ADGRB3: variants seen among roughly 807,000 people sequenced by gnomAD.
ADGRB3 encodes adhesion G protein-coupled receptor B3.
In ADGRB3, 37 loss-of-function variants were observed where a neutral mutation model predicts 193.4. That is an observed-to-expected ratio of 0.19 (90% CI 0.15 to 0.25). ADGRB3 has a LOEUF of 0.25. Among genes scored for constraint, ADGRB3 ranks in the 10% least tolerant of loss-of-function variants. The pLI is 1.00. For synonymous variants in ADGRB3, 690 were observed against 644.2 expected, an observed-to-expected ratio of 1.07 and a Z score of -1.08; for missense variants, 1,637 against 1,852.9, an observed-to-expected ratio of 0.88 and a Z score of 2.14.
In ADGRB3 at chr6:68,635,323, C is replaced by T. The variant is rs543804454; in HGVS notation, c.-865C>T. 6.6e-6 allele frequency: 1 copy of T among 151,854 alleles called. No individual in the cohort carries two copies. The highest frequency in any genetic ancestry group is 2.4e-5 in the African/African-American group (1 of 41,474). The allele number at this position is 151,854 out of a possible 1,614,324, so 9.4% of individuals were successfully genotyped here. A position where few individuals can be genotyped will look rare whatever the true frequency, so the allele number is the denominator to read the frequency against. Reference sequence around the variant, plus strand: ...CACACCCGAGACAGAGCTTTACTATCTCGCTCCCTCTCGCGCCTCCCTCCT... The same window carrying T: ...CACACCCGAGACAGAGCTTTACTATTTCGCTCCCTCTCGCGCCTCCCTCCT... On this transcript the variant is annotated 5_prime_UTR_variant, in exon 1 of 32. Transcript: ENST00000370598.
intron 13 of ADGRB3, among the ~76,000 whole-genome samples, chr6:69,019,309 G>T (rs1480203248): frequency 6.6e-6 from 1 of 151,960 alleles, no homozygotes; most frequent in Non-Finnish European, 1.5e-5. Context: ...ACCATAGATA[G>T]AAATGTGTTT....
chr6:68,801,502 A>G (rs928069355), intron 3 of ADGRB3, among the ~76,000 whole-genome samples: 1 of 152,024 alleles, frequency 6.6e-6, no homozygotes, highest in African/African-American at 2.4e-5. Flanking sequence ...AGCCTGGTCA[A>G]CATAGCGAAA....
Position 69,366,547 on chromosome 6 carries a change from T to C in ADGRB3, c.4239+5035T>C, listed in dbSNP as rs140478991. The stretch of plus-strand genomic sequence containing the variant: ...TGGAGAAATGCCTCTATGCATACAT[T>C]CACTAAGTATTCCTTTGAGTAGCTT... On this transcript the variant is annotated intron_variant, in intron 29 of 31. Transcript: ENST00000370598. 2.8e-3 allele frequency among the ~76,000 whole-genome samples: 432 copies of C among 152,246 alleles called. 2 individuals are homozygous for C. The highest frequency in any genetic ancestry group is 9.8e-3 in the African/African-American group (406 of 41,562).
intron 3 of ADGRB3, among the ~76,000 whole-genome samples, chr6:68,900,983 T>G (rs1042544827): frequency 6.6e-6 from 1 of 152,178 alleles, no homozygotes; most frequent in Non-Finnish European, 1.5e-5. Context: ...AAATAAAACA[T>G]GCTAATAGTT....
At chr6:69,016,734 A>G (rs1770102708) in intron 12 of ADGRB3, among the ~76,000 whole-genome samples, 1 of 151,918 alleles carries the variant, frequency 6.6e-6, no homozygotes, top group Non-Finnish European at 1.5e-5. Context: ...TTTAGCTTTT[A>G]AATAAATTGA....
rs1272493383 is a variant in ADGRB3 at position 69,054,909 on chromosome 6, T to C, written c.2333+5563T>C. On this transcript the variant is annotated intron_variant, in intron 15 of 31. Coordinates refer to ENST00000370598, the MANE Select transcript of ADGRB3 (RefSeq NM_001704.3). ...AATTCCCATACTATATGAAATCATCTGTTTTATTTTGGTCTTATTTAAATT... is the reference window on the plus strand; with the variant it reads ...AATTCCCATACTATATGAAATCATCCGTTTTATTTTGGTCTTATTTAAATT... Among the ~76,000 whole-genome samples, 4 of 152,220 alleles carry C rather than the reference T, an allele frequency of 2.6e-5. No individual in the cohort carries two copies. In the East Asian group the frequency reaches 7.7e-4, roughly 29 times the overall value.
chr6:68,813,759 A>G (rs1240343246), intron 3 of ADGRB3, among the ~76,000 whole-genome samples: 1 of 151,776 alleles, frequency 6.6e-6, no homozygotes, highest in Non-Finnish European at 1.5e-5. Flanking sequence ...TCCTGTGTCC[A>G]TGTGTTCTCA....
chr6:69,217,873 T>TCCC (rs1765800070), intron 17 of ADGRB3, among the ~76,000 whole-genome samples: 1 of 151,828 alleles, frequency 6.6e-6, no homozygotes, highest in Admixed American at 6.6e-5. Flanking sequence ...ATAGCATTTT[T>TCCC]CCCCAGCTTT....
At chr6:69,192,507 A>G (rs927860765) in intron 17 of ADGRB3, among the ~76,000 whole-genome samples, 9 of 152,150 alleles carry the variant, frequency 5.9e-5, no homozygotes, top group Non-Finnish European at 1.3e-4. Flanking sequence ...CAGGAACAAT[A>G]TTTTGCATCC....
chr6:69,361,071 C>T lies in ADGRB3; in HGVS notation c.3798C>T (p.Ser1266=), dbSNP rs368490921. The change falls in exon 29 of 32, where the codon AGC becomes AGT. Residue 1266 remains serine (S), a synonymous_variant. Coordinates refer to ENST00000370598, the MANE Select transcript of ADGRB3 (RefSeq NM_001704.3). ...TGCCCATGAGTATGAATGAGCTTAG[C>T]AATCCATGTTTGAAAAAAGAAAATA... ...LHMPMSMNEL[S]NPCLKKENSE... 6.2e-7 allele frequency: 1 copy of T among 1,612,606 alleles called. No homozygotes were observed. Among genetic ancestry groups the T allele is most frequent in the Non-Finnish European group, 8.5e-7 (1 of 1,179,200 alleles).
At chr6:68,963,295 G>T (rs1239191830) in intron 8 of ADGRB3, among the ~76,000 whole-genome samples, 1 of 152,074 alleles carries the variant, frequency 6.6e-6, no homozygotes, top group Non-Finnish European at 1.5e-5. Context: ...AGCTAATTAG[G>T]ATCATCAAGT....
chr6:68,643,380 T>A (rs1768126210), intron 3 of ADGRB3, among the ~76,000 whole-genome samples: 2 of 149,978 alleles, frequency 1.3e-5, no homozygotes, highest in Admixed American at 6.7e-5. Flanking sequence ...TTGTTCTGTT[T>A]GCCCTCAGAT....
At chr6:69,009,870 TC>T (rs1358550078) in intron 11 of ADGRB3, among the ~76,000 whole-genome samples, 1 of 152,076 alleles carries the variant, frequency 6.6e-6, no homozygotes, top group African/African-American at 2.4e-5. Flanking sequence ...CAACTCTATT[TC>T]CATGGAAATA....
intron 17 of ADGRB3, among the ~76,000 whole-genome samples, chr6:69,231,706 GA>G (rs540039740): frequency 6.6e-6 from 1 of 152,116 alleles, no homozygotes; most frequent in African/African-American, 2.4e-5. Context: ...TTATGAGAAA[GA>G]AAAGAGACCT....
chr6:69,002,505 C>T (rs1000101352), intron 11 of ADGRB3, among the ~76,000 whole-genome samples: 4 of 152,164 alleles, frequency 2.6e-5, no homozygotes, highest in Non-Finnish European at 4.4e-5. Context: ...GCATGAACCA[C>T]TGCGCCCAGC....
At chr6:69,139,594 A>G (rs1774262491) in intron 17 of ADGRB3, among the ~76,000 whole-genome samples, 1 of 152,188 alleles carries the variant, frequency 6.6e-6, no homozygotes, top group South Asian at 2.1e-4. Flanking sequence ...TATAGCAACC[A>G]TTTTTTACTA....
At chr6:68,731,155 A>C (rs1765766924) in intron 3 of ADGRB3, among the ~76,000 whole-genome samples, 1 of 151,184 alleles carries the variant, frequency 6.6e-6, no homozygotes, top group Admixed American at 6.6e-5. Context: ...TTGAAGAATA[A>C]TAATGATAAT....
At chr6:68,789,608 G>C (rs1380147001) in intron 3 of ADGRB3, among the ~76,000 whole-genome samples, 1 of 151,962 alleles carries the variant, frequency 6.6e-6, no homozygotes, top group Non-Finnish European at 1.5e-5. Flanking sequence ...CATTTCAACT[G>C]GTGAATCTGA....
intron 17 of ADGRB3, among the ~76,000 whole-genome samples, chr6:69,167,496 C>T (rs537850234): frequency 1.2e-4 from 18 of 151,968 alleles, no homozygotes; most frequent in Non-Finnish European, 2.4e-4. Context: ...TGTGTAGTCT[C>T]AATTGATTTA....
Sources: gnomAD v4.1 joint callset for allele counts (sites outside exome capture counted in the v4.1 genomes callset) on GRCh38, gnomAD v4.1.1 for gene constraint, MANE v1.5 for transcripts, NCBI Gene and HGNC (gene_info 2026-07-23, HGNC 2026-07-21) for gene names.